Variants in EFCAB6 observed in about 807,000 individuals in gnomAD.
The protein encoded by EFCAB6 is EF-hand calcium-binding domain-containing protein 6.
In EFCAB6, 156 loss-of-function variants were observed where a neutral mutation model predicts 169.8. The ratio of observed to expected loss-of-function variants is 0.92; its 90% CI spans 0.81 to 1.05. EFCAB6 has a LOEUF of 1.05. Among genes scored for constraint, EFCAB6 ranks in the 50% least tolerant of loss-of-function variants. EFCAB6 has a pLI of 0.00. For missense variants in EFCAB6, 1,800 were observed against 1,829.1 expected (o/e 0.98, Z 0.29); for synonymous variants, 698 against 676.4 (o/e 1.03, Z -0.50).
intron 17 of EFCAB6, among the ~76,000 whole-genome samples, chr22:43,636,159 G>C (rs1368888447): frequency 6.6e-6 from 1 of 152,236 alleles, no homozygotes; most frequent in Non-Finnish European, 1.5e-5. Flanking sequence ...GGGACGGAAG[G>C]CTTTCTAGGA....
At chr22:43,659,457 G>A (rs1330065758) in intron 17 of EFCAB6, among the ~76,000 whole-genome samples, 4 of 152,100 alleles carry the variant, frequency 2.6e-5, no homozygotes, top group Admixed American at 2.6e-4. Flanking sequence ...CCAGGTGTTT[G>A]TGACCAGCCT....
At chr22:43,681,153 A>T (rs1305836175) in intron 12 of EFCAB6, among the ~76,000 whole-genome samples, 1 of 152,200 alleles carries the variant, frequency 6.6e-6, no homozygotes, top group South Asian at 2.1e-4. Flanking sequence ...TAATTTGTGG[A>T]AAGTTATTAT....
chr22:43,629,573 A>C (rs1295562168), intron 19 of EFCAB6, among the ~76,000 whole-genome samples: 1 of 152,208 alleles, frequency 6.6e-6, no homozygotes, highest in East Asian at 1.9e-4. Flanking sequence ...TGAATGATGT[A>C]GAAATGGCTC....
At chr22:43,577,486 C>T (rs78492004) in intron 25 of EFCAB6, among the ~76,000 whole-genome samples, 6 of 152,268 alleles carry the variant, frequency 3.9e-5, no homozygotes, top group Middle Eastern at 3.4e-3. Flanking sequence ...GTGGGAAATC[C>T]CCTAGCCAGG....
At chr22:43,709,761 G>A (rs952261232) in intron 10 of EFCAB6, among the ~76,000 whole-genome samples, 1 of 152,088 alleles carries the variant, frequency 6.6e-6, no homozygotes, top group African/African-American at 2.4e-5. Flanking sequence ...AAGTTTTAGC[G>A]AGGCAAGAAA....
intron 10 of EFCAB6, among the ~76,000 whole-genome samples, chr22:43,708,740 A>T (rs2059049316): frequency 6.6e-6 from 1 of 152,154 alleles, no homozygotes. Flanking sequence ...TAGGGATAAA[A>T]GGGCTATGAT....
intron 9 of EFCAB6, among the ~76,000 whole-genome samples, chr22:43,715,263 G>A (rs1460721390): frequency 6.6e-6 from 1 of 152,140 alleles, no homozygotes; most frequent in African/African-American, 2.4e-5. Context: ...GCAGGGTTAA[G>A]GGCAGGGACT....
At chr22:43,672,915 G>GA (rs1000041757) in intron 13 of EFCAB6, among the ~76,000 whole-genome samples, 5 of 151,964 alleles carry the variant, frequency 3.3e-5, no homozygotes, top group Non-Finnish European at 7.4e-5. Flanking sequence ...TTCACTTAAG[G>GA]AAAAGTACAA....
chr22:43,606,611 C>T (rs545572458), intron 22 of EFCAB6, among the ~76,000 whole-genome samples: 1 of 152,206 alleles, frequency 6.6e-6, no homozygotes, highest in African/African-American at 2.4e-5. Flanking sequence ...GGAGGCCACA[C>T]AGCAGGAAGC....
intron 17 of EFCAB6, among the ~76,000 whole-genome samples, chr22:43,665,088 CT>C: frequency 6.6e-6 from 1 of 152,120 alleles, no homozygotes; most frequent in African/African-American, 2.4e-5. Context: ...GCCTGAGCAA[CT>C]GGGAAAAAAA....
rs770966024 is a variant in EFCAB6 at position 43,534,755 on chromosome 22, A to G, written c.4166T>C (p.Val1389Ala). The change falls in exon 30 of 32, where the codon GTC (valine) becomes GCC (alanine). Residue 1389 changes from valine (V) to alanine (A), a missense_variant. Val to Ala is a moderately conservative substitution (Grantham distance 64, BLOSUM62 0). Coordinates refer to ENST00000262726, the MANE Select transcript of EFCAB6 (RefSeq NM_022785.4). ...GCTTTCCTTTGCTTTTAGCAGGAGGACACAGCTCTGAATGAAGTCACAGTA... is the reference window on the plus strand; with the variant it reads ...GCTTTCCTTTGCTTTTAGCAGGAGGGCACAGCTCTGAATGAAGTCACAGTA... ...FAYCDFIQSC[V>A]LLLKAKESSL... The G allele has an allele frequency of 4.3e-6, 7 of 1,613,986 alleles. No individual in the cohort carries two copies. Among genetic ancestry groups the G allele is most frequent in the Non-Finnish European group, 5.9e-6 (7 of 1,179,982 alleles).
chr22:43,573,346 T>TA (rs917513219), intron 26 of EFCAB6, among the ~76,000 whole-genome samples: 21 of 150,728 alleles, frequency 1.4e-4, no homozygotes, highest in African/African-American at 4.9e-4. Flanking sequence ...AAATGTTTGT[T>TA]AAAAAAAAAG....
chr22:43,768,050 T>C (rs1235169103), intron 4 of EFCAB6, among the ~76,000 whole-genome samples: 2 of 152,232 alleles, frequency 1.3e-5, no homozygotes, highest in African/African-American at 4.8e-5. Flanking sequence ...GAAGACATTT[T>C]CTCCAACCTG....
rs2051381797 is a variant in EFCAB6 at position 43,590,230 on chromosome 22, C to T, written c.2877-1G>A. On this transcript the variant is annotated splice_acceptor_variant, in intron 23 of 31. Coordinates refer to ENST00000262726, the MANE Select transcript of EFCAB6 (RefSeq NM_022785.4). LOFTEE classifies it high-confidence loss of function. Reference sequence around the variant, plus strand: ...TTGATGGCGGTCCATAAGCTTATCCCTGAAAGAGAGTACATTGCAGACATA... The same window carrying T: ...TTGATGGCGGTCCATAAGCTTATCCTTGAAAGAGAGTACATTGCAGACATA... 2 of 1,612,748 alleles carry T rather than the reference C, an allele frequency of 1.2e-6. No homozygotes were observed. Among genetic ancestry groups the T allele is most frequent in the Non-Finnish European group, 1.7e-6 (2 of 1,179,572 alleles).
chr22:43,792,471 A>T (rs1395675405), intron 2 of EFCAB6, among the ~76,000 whole-genome samples: 1 of 152,236 alleles, frequency 6.6e-6, no homozygotes, highest in Admixed American at 6.5e-5. Flanking sequence ...GTGTAGCTGA[A>T]ATAATAAAAC....
chr22:43,723,709 C>T (rs2147515684), intron 8 of EFCAB6, among the ~76,000 whole-genome samples: 1 of 152,304 alleles, frequency 6.6e-6, no homozygotes. Context: ...CTGCTTGCAC[C>T]TTCCAGAGTT....
At chr22:43,791,509 G>A (rs1007489125) in intron 2 of EFCAB6, among the ~76,000 whole-genome samples, 7 of 152,114 alleles carry the variant, frequency 4.6e-5, no homozygotes, top group South Asian at 2.1e-4. Flanking sequence ...AACGTTCACC[G>A]TTGAAGGAGA....
chr22:43,717,046 C>A, intron 8 of EFCAB6, 74 bp from the exon 9 acceptor site: 1 of 1,386,970 alleles, frequency 7.2e-7, no homozygotes, highest in Non-Finnish European at 9.4e-7. Flanking sequence ...TCATTTTAAT[C>A]ATTACTTGTT....
intron 10 of EFCAB6, among the ~76,000 whole-genome samples, chr22:43,705,473 G>T (rs543503678): frequency 1.3e-5 from 2 of 152,136 alleles, no homozygotes; most frequent in African/African-American, 4.8e-5. Flanking sequence ...CAGATAATAG[G>T]CCACAAGACA....
Sources: allele counts gnomAD v4.1 joint callset (sites outside exome capture counted in the v4.1 genomes callset), GRCh38; gene constraint gnomAD v4.1.1; transcripts MANE v1.5; gene names NCBI Gene and HGNC (gene_info 2026-07-23, HGNC 2026-07-21).